Variants in KCND2 observed in about 807,000 individuals in gnomAD.
KCND2 encodes A-type voltage-gated potassium channel KCND2.
A neutral mutation model predicts 54.4 loss-of-function variants in KCND2; 16 were observed. That is an observed-to-expected ratio of 0.29 (90% CI 0.20 to 0.45). The LOEUF is 0.45. KCND2 is among the 20% of genes least tolerant of loss of function. The pLI is 1.00. For missense variants in KCND2, 486 were observed against 824.2 expected (o/e 0.59, Z 5.02); for synonymous variants, 317 against 310.7 (o/e 1.02, Z -0.21).
chr7:120,538,359 A>C (rs1791937422), intron 1 of KCND2, among the ~76,000 whole-genome samples: 1 of 152,236 alleles, frequency 6.6e-6, no homozygotes, highest in African/African-American at 2.4e-5. Flanking sequence ...ATAATAATGA[A>C]AAAGCTTGAA....
chr7:120,369,800 T>C (rs1189906760), intron 1 of KCND2, among the ~76,000 whole-genome samples: 1 of 152,060 alleles, frequency 6.6e-6, no homozygotes, highest in Non-Finnish European at 1.5e-5. Flanking sequence ...CCACCTGTTA[T>C]GTACCAGGCA....
chr7:120,359,144 C>A (rs1170583065), intron 1 of KCND2, among the ~76,000 whole-genome samples: 2 of 151,858 alleles, frequency 1.3e-5, no homozygotes, highest in Non-Finnish European at 2.9e-5. Context: ...ATGTTCAGTG[C>A]TTCATATAAG....
chr7:120,649,188 T>C (rs1271528080), intron 1 of KCND2, among the ~76,000 whole-genome samples: 2 of 152,026 alleles, frequency 1.3e-5, no homozygotes, highest in Non-Finnish European at 2.9e-5. Flanking sequence ...TCAATTTAAA[T>C]CAAGATATTT....
At chr7:120,453,090 A>C (rs1370112053) in intron 1 of KCND2, among the ~76,000 whole-genome samples, 1 of 152,050 alleles carries the variant, frequency 6.6e-6, no homozygotes, top group Non-Finnish European at 1.5e-5. Context: ...AGTCCACCTG[A>C]TCATCTCTCT....
chr7:120,633,820 C>T (rs1793268920), intron 1 of KCND2, among the ~76,000 whole-genome samples: 2 of 152,136 alleles, frequency 1.3e-5, no homozygotes, highest in South Asian at 4.1e-4. Context: ...AATATGGCAA[C>T]TTTTGCACTA....
At chr7:120,523,596 C>T (rs1261372233) in intron 1 of KCND2, among the ~76,000 whole-genome samples, 3 of 148,666 alleles carry the variant, frequency 2.0e-5, no homozygotes, top group Admixed American at 6.7e-5. Context: ...CACACACACA[C>T]GTACACACAT....
intron 1 of KCND2, among the ~76,000 whole-genome samples, chr7:120,340,130 A>C (rs1378332803): frequency 6.6e-6 from 1 of 152,216 alleles, no homozygotes; most frequent in African/African-American, 2.4e-5. Flanking sequence ...CTTACATTAC[A>C]CAAGGATCAC....
intron 1 of KCND2, among the ~76,000 whole-genome samples, chr7:120,291,266 GA>G (rs1301329854): frequency 6.6e-6 from 1 of 151,992 alleles, no homozygotes; most frequent in African/African-American, 2.4e-5. Context: ...AGATGGAACA[GA>G]TTGTCTTAGA....
intron 1 of KCND2, among the ~76,000 whole-genome samples, chr7:120,456,840 T>C (rs1222141718): frequency 6.6e-6 from 1 of 152,146 alleles, no homozygotes; most frequent in Non-Finnish European, 1.5e-5. Context: ...GGCTGCAACC[T>C]CACATTTCCC....
chr7:120,617,025 A>G (rs1462524098), intron 1 of KCND2, among the ~76,000 whole-genome samples: 1 of 152,170 alleles, frequency 6.6e-6, no homozygotes, highest in Non-Finnish European at 1.5e-5. Context: ...GGCCACATTA[A>G]TCATTGTGTA....
intron 1 of KCND2, among the ~76,000 whole-genome samples, chr7:120,391,375 G>GT (rs1334050522): frequency 6.6e-6 from 1 of 151,960 alleles, no homozygotes; most frequent in Non-Finnish European, 1.5e-5. Flanking sequence ...TGCAATAAAC[G>GT]TATGTGTGCA....
At chr7:120,371,807 A>G (rs543333025) in intron 1 of KCND2, among the ~76,000 whole-genome samples, 2 of 152,110 alleles carry the variant, frequency 1.3e-5, no homozygotes, top group African/African-American at 2.4e-5. Context: ...GCAATAGGCT[A>G]TACCATACAG....
intron 1 of KCND2, among the ~76,000 whole-genome samples, chr7:120,594,184 A>G (rs923413417): frequency 6.6e-6 from 1 of 152,224 alleles, no homozygotes; most frequent in Non-Finnish European, 1.5e-5. Context: ...GACCAAATAT[A>G]AAGTTTTAAG....
intron 1 of KCND2, among the ~76,000 whole-genome samples, chr7:120,503,044 C>G (rs1006920002): frequency 6.6e-6 from 1 of 152,078 alleles, no homozygotes; most frequent in South Asian, 2.1e-4. Context: ...GGAATGCCCA[C>G]TAATCTGTTA....
intron 1 of KCND2, among the ~76,000 whole-genome samples, chr7:120,343,371 T>C (rs968119407): frequency 3.3e-5 from 5 of 152,166 alleles, no homozygotes; most frequent in African/African-American, 1.2e-4. Context: ...GGTAGAACAT[T>C]TTAAGCTACC....
chr7:120,574,769 CCCTT>C, intron 1 of KCND2, among the ~76,000 whole-genome samples: 1 of 152,158 alleles, frequency 6.6e-6, no homozygotes, highest in East Asian at 1.9e-4. Context: ...CTGCCTACTC[CCCTT>C]TCTCTTTCTT....
intron 1 of KCND2, among the ~76,000 whole-genome samples, chr7:120,291,631 A>C (rs1799436788): frequency 6.6e-6 from 1 of 151,926 alleles, no homozygotes; most frequent in South Asian, 2.1e-4. Flanking sequence ...CTATGAAGAA[A>C]GATATAAGGG....
intron 1 of KCND2, among the ~76,000 whole-genome samples, chr7:120,364,966 A>G (rs527925069): frequency 6.6e-6 from 1 of 152,208 alleles, no homozygotes; most frequent in East Asian, 1.9e-4. Flanking sequence ...TATAAGAAAC[A>G]AAATAGAAAA....
intron 1 of KCND2, among the ~76,000 whole-genome samples, chr7:120,290,856 A>G (rs559147160): frequency 6.6e-6 from 1 of 152,106 alleles, no homozygotes; most frequent in South Asian, 2.1e-4. Context: ...GCCATGACCA[A>G]TTAGTGCTGT....
Sources: allele counts gnomAD v4.1 joint callset (sites outside exome capture counted in the v4.1 genomes callset), GRCh38; gene constraint gnomAD v4.1.1; transcripts MANE v1.5; gene names NCBI Gene and HGNC (gene_info 2026-07-23, HGNC 2026-07-21).